Variants in RBFOX1 observed in about 807,000 individuals in gnomAD.
RBFOX1 encodes RNA binding fox-1 homolog 1.
Under a neutral mutation model 57.7 loss-of-function variants are expected in RBFOX1, and 8 were observed. The observed-to-expected ratio is 0.14, with a 90% confidence interval of 0.08 to 0.25. The LOEUF is 0.25. Among genes scored for constraint, RBFOX1 ranks in the 10% least tolerant of loss-of-function variants. RBFOX1 has a pLI of 1.00. For missense variants in RBFOX1, 611 were observed against 548.5 expected, an observed-to-expected ratio of 1.11 and a Z score of -1.14; for synonymous variants, 326 against 222.4, an observed-to-expected ratio of 1.47 and a Z score of -4.15.
At chr16:5,692,904 A>G (rs1422862286) in intron 3 of RBFOX1, among the ~76,000 whole-genome samples, 1 of 152,246 alleles carries the variant, frequency 6.6e-6, no homozygotes. Flanking sequence ...TGGCACATGC[A>G]GCTTAGCTGG....
intron 3 of RBFOX1, among the ~76,000 whole-genome samples, chr16:5,773,067 CTT>C (rs1365042986): frequency 1.3e-5 from 2 of 152,006 alleles, no homozygotes; most frequent in African/African-American, 4.8e-5. Context: ...ACCGTTGGGA[CTT>C]TTGCTTACAA....
chr16:6,734,221 C>A (rs1307564603), intron 3 of RBFOX1, among the ~76,000 whole-genome samples: 1 of 152,154 alleles, frequency 6.6e-6, no homozygotes, highest in Non-Finnish European at 1.5e-5. Context: ...TGATGTCTGA[C>A]CCCTCTGTCC....
At chr16:5,556,051 AAAC>A (rs1353037301) in intron 2 of RBFOX1, among the ~76,000 whole-genome samples, 1 of 152,146 alleles carries the variant, frequency 6.6e-6, no homozygotes, top group Non-Finnish European at 1.5e-5. Flanking sequence ...AAACAAAGAC[AAAC>A]AACGACACCA....
At chr16:6,611,806 G>A (rs1399877923) in intron 2 of RBFOX1, among the ~76,000 whole-genome samples, 1 of 152,072 alleles carries the variant, frequency 6.6e-6, no homozygotes, top group Admixed American at 6.6e-5. Context: ...GGCACCCTGA[G>A]TCCTCCCTCA....
chr16:6,559,072 C>T (rs1213936937), intron 2 of RBFOX1, among the ~76,000 whole-genome samples: 4 of 152,074 alleles, frequency 2.6e-5, no homozygotes, highest in Non-Finnish European at 5.9e-5. Flanking sequence ...TATTTGGTCT[C>T]ATAGTTCCTT....
intron 2 of RBFOX1, among the ~76,000 whole-genome samples, chr16:5,531,635 C>T (rs1449203509): frequency 1.7e-5 from 2 of 120,764 alleles, no homozygotes; most frequent in Admixed American, 9.1e-5. Context: ...TTAGCAATAC[C>T]CCATGCCTTA....
In RBFOX1 at chr16:5,812,745, A is replaced by T. The variant is rs569337188; in HGVS notation, c.319-54558A>T. ...CCAAAGTGCTGGAATTACAGGCATG[A>T]TCCACCACCTTGCTCGGCCCAGTCT... On this transcript the variant is annotated intron_variant, in intron 3 of 19. Transcript: ENST00000641259. Among the ~76,000 whole-genome samples the T allele has an allele frequency of 7.9e-5, 12 of 152,252 alleles. 1 individual carries two copies. The South Asian group carries it at 2.5e-3, about 32-fold the overall frequency.
chr16:7,484,121 G>A (rs543030997), intron 4 of RBFOX1, among the ~76,000 whole-genome samples: 224 of 152,150 alleles, frequency 1.5e-3, no homozygotes, highest in African/African-American at 5.2e-3. Context: ...CTTTCCCTGA[G>A]CATAAAGTTT....
At chr16:6,287,033 C>T (rs2076973861) in intron 1 of RBFOX1, among the ~76,000 whole-genome samples, 1 of 152,056 alleles carries the variant, frequency 6.6e-6, no homozygotes, top group African/African-American at 2.4e-5. Context: ...CTACAGAGAT[C>T]TACAGATTTT....
intron 1 of RBFOX1, among the ~76,000 whole-genome samples, chr16:6,209,323 C>T (rs1010052709): frequency 5.9e-5 from 9 of 152,192 alleles, no homozygotes; most frequent in African/African-American, 2.2e-4. Flanking sequence ...TTATGTTCCC[C>T]TGGGTTGTGT....
At chr16:7,183,708 A>C (rs957004950) in intron 4 of RBFOX1, among the ~76,000 whole-genome samples, 1 of 152,184 alleles carries the variant, frequency 6.6e-6, no homozygotes, top group Non-Finnish European at 1.5e-5. Flanking sequence ...GTTGACTCAC[A>C]CTGAACACAA....
chr16:6,992,734 C>G (rs1017779120), intron 3 of RBFOX1, among the ~76,000 whole-genome samples: 2 of 149,636 alleles, frequency 1.3e-5, no homozygotes, highest in South Asian at 2.1e-4. Context: ...GGCATGAGTC[C>G]AAGAGGTCAC....
chr16:6,307,735 A>G (rs115778189), intron 1 of RBFOX1, among the ~76,000 whole-genome samples: 3,110 of 146,970 alleles, frequency 0.021, 111 homozygotes, highest in African/African-American at 0.071. Flanking sequence ...TTTGATAATT[A>G]TTTCCATATT....
intron 3 of RBFOX1, among the ~76,000 whole-genome samples, chr16:5,760,735 A>G (rs1441667147): frequency 6.6e-6 from 1 of 152,218 alleles, no homozygotes; most frequent in Non-Finnish European, 1.5e-5. Flanking sequence ...TTATATTGAA[A>G]GTTATTTGAA....
In RBFOX1 at chr16:7,707,258, G is replaced by T. The variant is rs77120765; in HGVS notation, c.996-1798G>T. ...AATCAATTGTTTTATTCCACCTAGG[G>T]TCTAACTTGGAGTCTGAGAAGGTCC... On this transcript the variant is annotated intron_variant, in intron 14 of 15. Coordinates refer to ENST00000550418, the MANE Select transcript of RBFOX1 (RefSeq NM_018723.4). 7.0e-3 allele frequency among the ~76,000 whole-genome samples: 1,067 copies of T among 152,204 alleles called. 13 individuals carry two copies. The highest frequency in any genetic ancestry group is 0.025 in the African/African-American group (1,023 of 41,552).
chr16:5,336,578 G>C (rs1054295404), intron 1 of RBFOX1, among the ~76,000 whole-genome samples: 1 of 152,196 alleles, frequency 6.6e-6, no homozygotes, highest in Non-Finnish European at 1.5e-5. Flanking sequence ...GTATCCTCTG[G>C]AGTAGGTGCA....
intron 4 of RBFOX1, among the ~76,000 whole-genome samples, chr16:7,366,909 A>G (rs2147054682): frequency 6.6e-6 from 1 of 152,310 alleles, no homozygotes; most frequent in African/African-American, 2.4e-5. Flanking sequence ...TCATCCCCCC[A>G]AATCATTTAA....
chr16:6,885,211 C>G (rs1374890877), intron 3 of RBFOX1, among the ~76,000 whole-genome samples: 3 of 152,160 alleles, frequency 2.0e-5, no homozygotes, highest in African/African-American at 4.8e-5. Flanking sequence ...CTTCAGAAAA[C>G]TAGAACTGTG....
At chr16:7,384,027 C>G (rs1247138833) in intron 4 of RBFOX1, among the ~76,000 whole-genome samples, 1 of 149,134 alleles carries the variant, frequency 6.7e-6, no homozygotes, top group Non-Finnish European at 1.5e-5. Flanking sequence ...GCACCCCAGC[C>G]TGGGCAACAG....
Sources: gnomAD v4.1 joint callset for allele counts (sites outside exome capture counted in the v4.1 genomes callset) on GRCh38, gnomAD v4.1.1 for gene constraint, MANE v1.5 for transcripts, NCBI Gene and HGNC (gene_info 2026-07-23, HGNC 2026-07-21) for gene names.